The following SLC4A10 variants were observed in gnomAD, a reference collection of about 807,000 sequenced individuals.
The protein encoded by SLC4A10 is sodium-driven chloride bicarbonate exchanger.
A neutral mutation model predicts 137.7 loss-of-function variants in SLC4A10; 42 were observed. The observed-to-expected ratio is 0.30, with a 90% confidence interval of 0.24 to 0.39. SLC4A10 has a LOEUF of 0.39. Among genes scored for constraint, SLC4A10 ranks in the 10% least tolerant of loss-of-function variants. SLC4A10 has a pLI of 1.00. For missense variants in SLC4A10, 925 were observed against 1,355.0 expected, an observed-to-expected ratio of 0.68 and a Z score of 4.98; for synonymous variants, 474 against 464.1, an observed-to-expected ratio of 1.02 and a Z score of -0.27.
chr2:161,942,339 A>G (rs1692862000), intron 15 of SLC4A10, among the ~76,000 whole-genome samples: 1 of 152,140 alleles, frequency 6.6e-6, no homozygotes. Context: ...ATCTTTGTCT[A>G]TATCTTCTTC....
chr2:161,913,424 G>A (rs1018225073), intron 15 of SLC4A10, among the ~76,000 whole-genome samples: 1 of 152,042 alleles, frequency 6.6e-6, no homozygotes, highest in African/African-American at 2.4e-5. Flanking sequence ...AAATAATAAA[G>A]CCACTTGACA....
intron 3 of SLC4A10, among the ~76,000 whole-genome samples, chr2:161,825,523 C>G (rs894785629): frequency 6.6e-6 from 1 of 152,182 alleles, no homozygotes; most frequent in African/African-American, 2.4e-5. Context: ...TAGAGTCTCT[C>G]TGCTGAAATA....
At chr2:161,808,279 T>G (rs1219631555) in intron 3 of SLC4A10, among the ~76,000 whole-genome samples, 1 of 152,150 alleles carries the variant, frequency 6.6e-6, no homozygotes, top group African/African-American at 2.4e-5. Context: ...TTTTGATCCC[T>G]CTTTTATATT....
At chr2:161,919,616 T>A (rs560943405) in intron 15 of SLC4A10, among the ~76,000 whole-genome samples, 1 of 152,224 alleles carries the variant, frequency 6.6e-6, no homozygotes, top group East Asian at 1.9e-4. Context: ...GCTACCCACT[T>A]TGGGCCTCCT....
At chr2:161,748,583 T>C (rs1462413379) in intron 1 of SLC4A10, among the ~76,000 whole-genome samples, 2 of 152,074 alleles carry the variant, frequency 1.3e-5, no homozygotes, top group Non-Finnish European at 2.9e-5. Flanking sequence ...CAAAAGTCAG[T>C]TGAATGTGTA....
At chr2:161,979,478 C>T (rs1244911777) in intron 26 of SLC4A10, among the ~76,000 whole-genome samples, 1 of 152,170 alleles carries the variant, frequency 6.6e-6, no homozygotes, top group Non-Finnish European at 1.5e-5. Context: ...GAAAGTTTAT[C>T]CAGCTTTCCT....
chr2:161,917,274 G>A (rs1477351533), intron 15 of SLC4A10, among the ~76,000 whole-genome samples: 3 of 152,086 alleles, frequency 2.0e-5, no homozygotes, highest in Admixed American at 6.6e-5. Flanking sequence ...ACAAATGAAC[G>A]GACATCTGGG....
intron 1 of SLC4A10, among the ~76,000 whole-genome samples, chr2:161,670,322 G>A (rs961757698): frequency 4.8e-5 from 7 of 144,480 alleles, no homozygotes; most frequent in African/African-American, 1.8e-4. Flanking sequence ...TCCATCCACA[G>A]GTTTTATTGA....
intron 1 of SLC4A10, among the ~76,000 whole-genome samples, chr2:161,652,470 TA>T (rs2036935908): frequency 6.6e-6 from 1 of 152,170 alleles, no homozygotes; most frequent in African/African-American, 2.4e-5. Flanking sequence ...ACTTCAGAAG[TA>T]ATAACATATA....
intron 2 of SLC4A10, among the ~76,000 whole-genome samples, chr2:161,772,833 T>C (rs10193728): frequency 0.26 from 39,513 of 151,716 alleles, 7,561 homozygotes; most frequent in African/African-American, 0.55. Flanking sequence ...AAGATGCTAT[T>C]GAGGGTTCTG....
intron 1 of SLC4A10, among the ~76,000 whole-genome samples, chr2:161,646,505 T>C (rs2036049020): frequency 6.6e-6 from 1 of 152,050 alleles, no homozygotes; most frequent in Middle Eastern, 3.4e-3. Flanking sequence ...AAGCAGAAAA[T>C]AATAGGCTAA....
intron 10 of SLC4A10, among the ~76,000 whole-genome samples, chr2:161,884,174 C>T (rs1023618236): frequency 6.6e-6 from 1 of 152,060 alleles, no homozygotes; most frequent in Non-Finnish European, 1.5e-5. Context: ...TATTGTTATT[C>T]TATGATTTAA....
intron 1 of SLC4A10, among the ~76,000 whole-genome samples, chr2:161,737,012 G>A (rs1241871545): frequency 1.3e-5 from 2 of 151,662 alleles, no homozygotes; most frequent in East Asian, 1.9e-4. Flanking sequence ...AGGTATGCAC[G>A]ACCATGCCCA....
intron 7 of SLC4A10, among the ~76,000 whole-genome samples, chr2:161,873,012 C>A (rs1437620486): frequency 6.6e-6 from 1 of 152,106 alleles, no homozygotes; most frequent in East Asian, 1.9e-4. Context: ...CCCCGCCCGG[C>A]CAAGTTTAAT....
rs1338714584 is a variant in SLC4A10 at position 161,983,344 on chromosome 2, C to G, written c.*192C>G. 1 of 1,059,502 alleles carries G rather than the reference C, an allele frequency of 9.4e-7. No individual in the cohort carries two copies. Among genetic ancestry groups the G allele is most frequent in the African/African-American group, 1.6e-5 (1 of 62,884 alleles). The allele number at this position is 1,059,502 out of a possible 1,614,324, so 65.6% of individuals were successfully genotyped here. ...GTATTGTAAATTCTGTCCCTCAACC[C>G]AAATCCACCTTCATACTGTAAGTAG... On this transcript the variant is annotated 3_prime_UTR_variant, in exon 27 of 27. Transcript: ENST00000446997.
At chr2:161,836,059 C>A (rs142601133) in intron 3 of SLC4A10, among the ~76,000 whole-genome samples, 1 of 152,266 alleles carries the variant, frequency 6.6e-6, no homozygotes, top group South Asian at 2.1e-4. Context: ...TGACTGATGG[C>A]GTATTTATGG....
At chr2:161,633,853 G>A (rs1401251115) in intron 1 of SLC4A10, among the ~76,000 whole-genome samples, 2 of 151,464 alleles carry the variant, frequency 1.3e-5, no homozygotes, top group African/African-American at 4.8e-5. Context: ...AGGATCATTT[G>A]GAAGGCATCA....
chr2:161,913,715 T>C (rs1175512831), intron 15 of SLC4A10, among the ~76,000 whole-genome samples: 2 of 152,182 alleles, frequency 1.3e-5, no homozygotes, highest in Admixed American at 6.6e-5. Flanking sequence ...GAACCCTTTT[T>C]TGTCTTCAAT....
Position 161,942,772 on chromosome 2 carries a change from A to G in SLC4A10, c.1998-20A>G. On this transcript the variant is annotated intron_variant, in intron 15 of 26. Coordinates refer to ENST00000446997, the MANE Select transcript of SLC4A10 (RefSeq NM_001178015.2). ...CAAAAAGCTACTTATTTCACAAAAGACACTATTTTGCCTTTTCAGGTGTAA... is the reference window on the plus strand; with the variant it reads ...CAAAAAGCTACTTATTTCACAAAAGGCACTATTTTGCCTTTTCAGGTGTAA... 6.4e-7 allele frequency: 1 copy of G among 1,560,664 alleles called. No individual in the cohort carries two copies. The highest frequency in any genetic ancestry group is 8.7e-7 in the Non-Finnish European group (1 of 1,144,432).
Sources: allele counts gnomAD v4.1 joint callset (sites outside exome capture counted in the v4.1 genomes callset), GRCh38; gene constraint gnomAD v4.1.1; transcripts MANE v1.5; gene names NCBI Gene and HGNC (gene_info 2026-07-23, HGNC 2026-07-21).